Variants in BRINP3 observed in about 807,000 individuals in gnomAD.
BRINP3 encodes BMP/retinoic acid inducible neural specific 3, also known as BMP/retinoic acid-inducible neural-specific protein 3.
BRINP3 carries 19 observed loss-of-function variants against 71.0 expected under a neutral mutation model. The observed-to-expected ratio is 0.27, with a 90% CI of 0.19 to 0.39. The LOEUF is 0.39. Among genes scored for constraint, BRINP3 ranks in the 10% least tolerant of loss-of-function variants. The pLI, the probability that BRINP3 is intolerant of heterozygous loss-of-function variation, is 1.00. For synonymous variants in BRINP3, 380 were observed against 337.7 expected, an observed-to-expected ratio of 1.13 and a Z score of -1.37; for missense variants, 959 against 940.8, an observed-to-expected ratio of 1.02 and a Z score of -0.25.
chr1:190,130,925 G>A (rs527434535), intron 7 of BRINP3, among the ~76,000 whole-genome samples: 1 of 151,784 alleles, frequency 6.6e-6, no homozygotes, highest in Non-Finnish European at 1.5e-5. Context: ...ATTCCTGAAC[G>A]ATTATCTGCA....
intron 1 of BRINP3, among the ~76,000 whole-genome samples, chr1:190,455,843 C>A (rs1174135577): frequency 1.3e-5 from 2 of 152,076 alleles, no homozygotes; most frequent in Admixed American, 6.5e-5. Flanking sequence ...GACGTATAAT[C>A]CCAGTATGGT....
At chr1:190,152,531 A>AAC (rs1558012582) in intron 7 of BRINP3, among the ~76,000 whole-genome samples, 70 of 84,658 alleles carry the variant, frequency 8.3e-4, no homozygotes, top group African/African-American at 1.1e-3. Context: ...ATCTCCCCCA[A>AAC]CCCCCCCCCC....
At chr1:190,315,906 C>G (rs945095695) in intron 2 of BRINP3, among the ~76,000 whole-genome samples, 2 of 152,104 alleles carry the variant, frequency 1.3e-5, no homozygotes, top group African/African-American at 4.8e-5. Context: ...TACTTCCCAG[C>G]CTCTCATGTT....
At chr1:190,137,375 T>C (rs887405755) in intron 7 of BRINP3, among the ~76,000 whole-genome samples, 6 of 151,154 alleles carry the variant, frequency 4.0e-5, no homozygotes, top group Non-Finnish European at 8.8e-5. Context: ...GGCAGGGAGC[T>C]ATATCCCAAC....
chr1:190,246,653 A>T (rs1659640331), intron 4 of BRINP3, among the ~76,000 whole-genome samples: 1 of 152,112 alleles, frequency 6.6e-6, no homozygotes, highest in Non-Finnish European at 1.5e-5. Flanking sequence ...TGAGGGAAAA[A>T]CTTTTGATAA....
At chr1:190,210,363 C>G (rs1655879718) in intron 6 of BRINP3, among the ~76,000 whole-genome samples, 1 of 151,990 alleles carries the variant, frequency 6.6e-6, no homozygotes, top group African/African-American at 2.4e-5. Context: ...TTATCAAAGT[C>G]ACTTTTTGTT....
chr1:190,227,249 G>A (rs1450670600), intron 5 of BRINP3, among the ~76,000 whole-genome samples: 1 of 151,532 alleles, frequency 6.6e-6, no homozygotes, highest in African/African-American at 2.4e-5. Flanking sequence ...AATCAATGTT[G>A]ACCCTTGACT....
chr1:190,451,569 T>A (rs1467282576), intron 2 of BRINP3, among the ~76,000 whole-genome samples: 1 of 152,090 alleles, frequency 6.6e-6, no homozygotes, highest in African/African-American at 2.4e-5. Flanking sequence ...AAAACACTTT[T>A]AGAAATGCCT....
chr1:190,361,062 G>T (rs936512973), intron 2 of BRINP3, among the ~76,000 whole-genome samples: 3 of 151,908 alleles, frequency 2.0e-5, no homozygotes, highest in African/African-American at 4.8e-5. Context: ...TCGGGGTGGG[G>T]AGGTGGTTGA....
At chr1:190,167,978 C>T (rs1651702598) in intron 6 of BRINP3, among the ~76,000 whole-genome samples, 1 of 152,034 alleles carries the variant, frequency 6.6e-6, no homozygotes, top group African/African-American at 2.4e-5. Context: ...GAGTGAAAAT[C>T]GGTGTGAAAT....
intron 2 of BRINP3, among the ~76,000 whole-genome samples, chr1:190,446,492 GT>G (rs1675227557): frequency 6.6e-6 from 1 of 152,018 alleles, no homozygotes; most frequent in South Asian, 2.1e-4. Flanking sequence ...CACAATTTAT[GT>G]TCCAATATAC....
At chr1:190,221,784 T>C (rs1656913647) in intron 6 of BRINP3, among the ~76,000 whole-genome samples, 1 of 152,008 alleles carries the variant, frequency 6.6e-6, no homozygotes, top group Admixed American at 6.6e-5. Context: ...TCAGACAAAA[T>C]AGATTAAAAA....
At chr1:190,442,508 T>C (rs2102563950) in intron 2 of BRINP3, among the ~76,000 whole-genome samples, 1 of 152,238 alleles carries the variant, frequency 6.6e-6, no homozygotes, top group Non-Finnish European at 1.5e-5. Context: ...TTCAACTATT[T>C]CAAAAGAGAA....
intron 1 of BRINP3, among the ~76,000 whole-genome samples, chr1:190,467,141 C>T (rs1415044185): frequency 6.6e-6 from 1 of 151,530 alleles, no homozygotes; most frequent in Admixed American, 6.6e-5. Context: ...CAACCCTCTT[C>T]TCTCTAAGAG....
chr1:190,188,445 T>C (rs1653732850), intron 6 of BRINP3, among the ~76,000 whole-genome samples: 1 of 152,182 alleles, frequency 6.6e-6, no homozygotes, highest in African/African-American at 2.4e-5. Context: ...TTCTTGGTTT[T>C]AGAGTAAAAT....
intron 7 of BRINP3, among the ~76,000 whole-genome samples, chr1:190,121,236 A>G (rs1414183377): frequency 6.6e-6 from 1 of 152,174 alleles, no homozygotes; most frequent in Non-Finnish European, 1.5e-5. Context: ...ACTGTACTGT[A>G]CTGGTACGGT....
chr1:190,432,519 A>G (rs1674167366), intron 2 of BRINP3, among the ~76,000 whole-genome samples: 1 of 152,178 alleles, frequency 6.6e-6, no homozygotes, highest in African/African-American at 2.4e-5. Flanking sequence ...TCCATCCTCT[A>G]AGGCACCATG....
intron 7 of BRINP3, among the ~76,000 whole-genome samples, chr1:190,121,007 T>C (rs6687380): frequency 0.62 from 94,269 of 151,968 alleles, 31,223 homozygotes; most frequent in African/African-American, 0.87. Flanking sequence ...TGGGAAAATA[T>C]AAACAAGAAA....
At chr1:190,165,595 C>A in intron 6 of BRINP3, among the ~76,000 whole-genome samples, 1 of 150,944 alleles carries the variant, frequency 6.6e-6, no homozygotes, top group East Asian at 1.9e-4. Context: ...TGTTATTGCT[C>A]AACCAGAACA....
Sources: allele counts gnomAD v4.1 joint callset (sites outside exome capture counted in the v4.1 genomes callset), GRCh38; gene constraint gnomAD v4.1.1; transcripts MANE v1.5; gene names NCBI Gene and HGNC (gene_info 2026-07-23, HGNC 2026-07-21).